Variants in CACNA1F observed in about 807,000 individuals in gnomAD.
The protein encoded by CACNA1F is calcium voltage-gated channel subunit alpha1 F, also known as voltage-dependent L-type calcium channel subunit alpha-1F.
In CACNA1F, 59 loss-of-function variants were observed where a neutral mutation model predicts 143.8. That is an observed-to-expected ratio of 0.41 (90% confidence interval 0.33 to 0.51). The LOEUF is 0.51. CACNA1F is among the 20% of genes least tolerant of loss of function. CACNA1F has a pLI of 0.22. For synonymous variants in CACNA1F, 643 were observed against 649.1 expected (o/e 0.99, Z 0.14); for missense variants, 1,411 against 1,647.5 (o/e 0.86, Z 2.48).
Position 49,216,362 on chromosome X carries a change from C to G in CACNA1F, c.3236+20G>C. The G allele has an allele frequency of 8.3e-7, 1 of 1,208,120 alleles. No individual in the cohort carries two copies. The highest frequency in any genetic ancestry group is 1.1e-6 in the Non-Finnish European group (1 of 892,265). On this transcript the variant is annotated intron_variant, in intron 27 of 47. Coordinates refer to ENST00000323022, the MANE Select transcript of CACNA1F (RefSeq NM_001256789.3). ...GACCCCTGCCTCATCCCCTGATAAA[C>G]CCAGGGCCCTGTCCCTCACGCAGGC...
Position 49,208,793 on chromosome X carries a change from A to C in CACNA1F, c.4954-109T>G, listed in dbSNP as rs1557105536. ...ATGAATGTGGGCCTTGCCCTCCAAC[A>C]GCAATGGTAAATGTCAAATAAATAA... On this transcript the variant is annotated intron_variant, in intron 42 of 47. Coordinates refer to ENST00000323022, the MANE Select transcript of CACNA1F (RefSeq NM_001256789.3). The C allele has an allele frequency of 4.9e-6, 3 of 608,162 alleles. No individual in the cohort carries two copies. The East Asian group carries it at 9.9e-5, about 20-fold the overall frequency. 50.1% of individuals were successfully genotyped at this position (608,162 alleles called of 1,213,427 possible).
intron 39 of CACNA1F, 58 bp from the exon 40 acceptor site, chrX:49,210,100 C>T: frequency 1.1e-6 from 1 of 885,310 alleles, no homozygotes. Flanking sequence ...ACAGCTGCCC[C>T]CTCACTGTTG....
Position 49,220,493 on chromosome X carries a change from C to A in CACNA1F, c.2366G>T (p.Gly789Val), listed in dbSNP as rs782102814. Residue 789 changes from glycine to valine, a missense_variant, in exon 19 of 48, where the codon GGT (glycine) becomes GTT (valine). By Grantham distance (109) the Gly-to-Val change is moderately radical. Transcript: ENST00000323022. ...CTTGCCTGCTCCTTCCCTCCTTGCA[C>A]CCTCCTCTTCCTCTTTCTCCACACC... Reference protein sequence around the residue: ...VPGVEKEEEEGARREGADMEE... With the variant: ...VPGVEKEEEEVARREGADMEE... The A allele has an allele frequency of 3.2e-5, 39 of 1,207,380 alleles. No homozygotes were observed. The highest frequency in any genetic ancestry group is 4.1e-5 in the Non-Finnish European group (37 of 893,338).
rs2065870994 is a variant in CACNA1F, at chrX:49,230,878, G to A, written c.493C>T (p.Leu165=). The A allele has an allele frequency of 1.7e-6, 2 of 1,183,604 alleles. No homozygotes were observed. The highest frequency in any genetic ancestry group is 3.5e-5 in the African/African-American group (2 of 56,568). ...PSAYIRNGWN[L]LDFIIVVVGL... Reference sequence around the variant, plus strand: ...ACCACGACGATGATGAAGTCGAGTAGGTTCCAGCCATTGCGGATGTAGGCG... The same window carrying A: ...ACCACGACGATGATGAAGTCGAGTAAGTTCCAGCCATTGCGGATGTAGGCG... The change falls in exon 4 of 48, where the codon CTA becomes TTA. Residue 165 remains leucine (L), a synonymous_variant. Coordinates refer to ENST00000323022, the MANE Select transcript of CACNA1F (RefSeq NM_001256789.3).
intron 26 of CACNA1F, 113 bp downstream of exon 26, chrX:49,217,642 A>G: frequency 2.9e-6 from 2 of 684,313 alleles, no homozygotes; most frequent in Non-Finnish European, 4.8e-6. Flanking sequence ...GGGCCTCTGC[A>G]GTTCTTGGGA....
At chrX:49,219,230 T>G (rs2065750255) in intron 21 of CACNA1F, 91 bp downstream of exon 21, 3 of 1,007,003 alleles carry the variant, frequency 3.0e-6, no homozygotes, top group Non-Finnish European at 4.1e-6. Context: ...CCTAGGGCTC[T>G]TCTCCTTATC....
rs138232301 is a variant in CACNA1F at position 49,217,433 on chromosome X, A to C, written c.3089+322T>G. On this transcript the variant is annotated intron_variant, in intron 26 of 47. Coordinates refer to ENST00000323022, the MANE Select transcript of CACNA1F (RefSeq NM_001256789.3). ...AATGTACCTAAGTCTCATGAAGTGGATTTGAACCGTAATGTCTGACTTCAC... is the reference window on the plus strand; with the variant it reads ...AATGTACCTAAGTCTCATGAAGTGGCTTTGAACCGTAATGTCTGACTTCAC... Among the ~76,000 whole-genome samples, 669 of 112,309 alleles carry C rather than the reference A, an allele frequency of 6.0e-3. 1 individual carries two copies. Among genetic ancestry groups the C allele is most frequent in the Non-Finnish European group, 9.1e-3 (482 of 53,229 alleles).
chrX:49,219,328 C>T lies in CACNA1F; in HGVS notation c.2666G>A (p.Arg889His), dbSNP rs139263092. The T allele has an allele frequency of 2.2e-5, 26 of 1,206,313 alleles. No homozygotes were observed. Among genetic ancestry groups the T allele is most frequent in the African/African-American group, 7.0e-5 (4 of 56,886 alleles). Residue 889 changes from arginine to histidine, a missense_variant, in exon 21 of 48, where the codon CGC becomes CAC. This residue lies in a region of CACNA1F where 950 missense variants were observed against 1,128.1 expected (regional missense o/e 0.84). Coordinates refer to ENST00000323022, the MANE Select transcript of CACNA1F (RefSeq NM_001256789.3). ...TCCCAGCCAAAGGCTCACATGGTTG[C>T]GGAAGGAGTGGGCTCGGATGGGGTC... ...AEDPIRAHSFRNHILGYFDYA... is the reference protein window; with the variant it reads ...AEDPIRAHSFHNHILGYFDYA...
intron 43 of CACNA1F, 35 bp from the exon 44 acceptor site, chrX:49,207,147 C>T: frequency 2.3e-6 from 2 of 860,624 alleles, no homozygotes; most frequent in Non-Finnish European, 3.4e-6. Context: ...CAGACCAGAT[C>T]CCTCAATATG....
rs782652328 is a variant in CACNA1F at position 49,209,765 on chromosome X, G to A, written c.4691-6C>T. The A allele has an allele frequency of 8.3e-7, 1 of 1,211,057 alleles. No individual in the cohort carries two copies. Among genetic ancestry groups the A allele is most frequent in the Non-Finnish European group, 1.1e-6 (1 of 894,993 alleles). Reference sequence around the variant, plus strand: ...GCCCACGGTGACCTCCTCCTCTAGGGGCAAGGGAGAGAAGGCAAGATCACA... The same window carrying A: ...GCCCACGGTGACCTCCTCCTCTAGGAGCAAGGGAGAGAAGGCAAGATCACA... On this transcript the variant is annotated splice_region_variant and splice_polypyrimidine_tract_variant and intron_variant, in intron 40 of 47. Transcript: ENST00000323022.
chrX:49,219,461 G>GA lies in CACNA1F; in HGVS notation c.2544-12_2544-11insT. ...CAGCCCTTCCTCAGCCTGTGGAGAG[G>GA]GAGTGGGCCATGGTCAGAACTCAGG... On this transcript the variant is annotated splice_polypyrimidine_tract_variant and intron_variant, in intron 20 of 47. Transcript: ENST00000323022. 1.7e-6 allele frequency: 2 copies of GA among 1,206,611 alleles called. No homozygotes were observed. Among genetic ancestry groups the GA allele is most frequent in the Non-Finnish European group, 2.2e-6 (2 of 892,990 alleles).
At position 49,223,344 on chromosome X, in the gene CACNA1F, C is replaced by T. The variant is rs782452718; in HGVS notation, c.1878-208G>A. On this transcript the variant is annotated intron_variant, in intron 14 of 47. Coordinates refer to ENST00000323022, the MANE Select transcript of CACNA1F (RefSeq NM_001256789.3). ...AAGCTGGGCCCTGTGGTGGCTCACG[C>T]CTGTAATCCCAGCACTTTGGGAGGC... Among the ~76,000 whole-genome samples, 45 of 109,698 alleles carry T rather than the reference C, an allele frequency of 4.1e-4. No individual in the cohort carries two copies. The South Asian group carries it at 6.7e-3, about 16-fold the overall frequency.
chrX:49,231,153 ACTGGGGCTCTAT>A (rs2065874997), intron 3 of CACNA1F, 37 bp downstream of exon 3: 1 of 921,389 alleles, frequency 1.1e-6, no homozygotes, highest in African/African-American at 2.0e-5. Context: ...AGTGAGCTCT[ACTGGGGCTCTAT>A]TTGGCTGGGA....
Position 49,218,621 on chromosome X carries a change from T to C in CACNA1F, c.2840+8A>G, listed in dbSNP as rs1164288016. On this transcript the variant is annotated splice_region_variant and intron_variant, in intron 23 of 47. Coordinates refer to ENST00000323022, the MANE Select transcript of CACNA1F (RefSeq NM_001256789.3). ...AGGAATGGGGTGGGCTGGGGATCTG[T>C]CACTTACTGGATGCCAAAGGAGATG... 36 of 1,192,738 alleles carry C rather than the reference T, an allele frequency of 3.0e-5. No homozygotes were observed. Among genetic ancestry groups the C allele is most frequent in the Non-Finnish European group, 3.7e-5 (33 of 882,312 alleles).
At chrX:49,211,221 C>G in intron 36 of CACNA1F, 101 bp downstream of exon 36, 1 of 1,115,165 alleles carries the variant, frequency 9.0e-7, no homozygotes, top group Non-Finnish European at 1.2e-6. Context: ...GACCAGCCCT[C>G]TCACCCACTA....
rs782063848 is a variant in CACNA1F, at chrX:49,208,573, T to G, written c.5065A>C (p.Arg1689=). The G allele has an allele frequency of 8.3e-7, 1 of 1,210,068 alleles. No homozygotes were observed. Among genetic ancestry groups the G allele is most frequent in the Non-Finnish European group, 1.1e-6 (1 of 894,295 alleles). ...SLSFGPSDDD[R]GTPTSSQPSV... is the part of the protein sequence containing the mutation. ...GGCTGACTGGAGGTGGGAGTCCCCC[T>G]GTCATCATCACTGGGCCCAAAGGAG... Residue 1689 remains arginine, a synonymous_variant, in exon 43 of 48, where the codon AGG becomes CGG. Transcript: ENST00000323022.
In CACNA1F at chrX:49,228,377, C is replaced by T. The variant is rs1361314345; in HGVS notation, c.888G>A (p.Gln296=). Residue 296 remains glutamine (Q), a synonymous_variant, in exon 7 of 48, where the codon CAG becomes CAA. Transcript: ENST00000323022. ...SGSGRACTLN[Q]TECRGRWPGP... The stretch of plus-strand genomic sequence containing the variant: ...CTGGCCAGCGCCCGCGGCACTCAGT[C>T]TGGTTCAGCGTGCACGCACGCCCTG... The T allele has an allele frequency of 1.7e-6, 2 of 1,209,490 alleles. No individual in the cohort carries two copies. The highest frequency in any genetic ancestry group is 3.5e-5 in the African/African-American group (2 of 57,561).
At position 49,219,342 on chromosome X, in the gene CACNA1F, T is replaced by C. The variant is rs2065751746; in HGVS notation, c.2652A>G (p.Arg884=). 1.7e-6 allele frequency: 2 copies of C among 1,208,473 alleles called. No individual in the cohort carries two copies. The highest frequency in any genetic ancestry group is 2.2e-6 in the Non-Finnish European group (2 of 894,255). ...TCACATGGTTGCGGAAGGAGTGGGCTCGGATGGGGTCCTCAGCGGCCAGGG... is the reference window on the plus strand; with the variant it reads ...TCACATGGTTGCGGAAGGAGTGGGCCCGGATGGGGTCCTCAGCGGCCAGGG... ...SVSLAAEDPI[R]AHSFRNHILG... The change falls in exon 21 of 48, where the codon CGA becomes CGG. Residue 884 remains arginine (R), a synonymous_variant. Transcript: ENST00000323022.
intron 24 of CACNA1F, 57 bp from the exon 25 acceptor site, chrX:49,218,062 C>A: frequency 1.1e-6 from 1 of 895,108 alleles, no homozygotes. Flanking sequence ...GGTCATGGGG[C>A]AGGGACTCTG....
Sources: allele counts gnomAD v4.1 joint callset (sites outside exome capture counted in the v4.1 genomes callset), GRCh38; gene constraint gnomAD v4.1.1; regional missense constraint gnomAD v4.1.1; transcripts MANE v1.5; gene names NCBI Gene and HGNC (gene_info 2026-07-23, HGNC 2026-07-21).